ANKAR: variants seen among roughly 807,000 people sequenced by gnomAD.
ANKAR encodes the protein ankyrin and armadillo repeat containing, also known as ankyrin and armadillo repeat-containing protein.
In ANKAR, 136 loss-of-function variants were observed where a neutral mutation model predicts 146.2. The observed-to-expected ratio is 0.93, with a 90% CI of 0.81 to 1.07. The LOEUF is 1.07. ANKAR is among the 50% of genes least tolerant of loss of function. ANKAR has a pLI of 0.00. For synonymous variants in ANKAR, 500 were observed against 575.8 expected, an observed-to-expected ratio of 0.87 and a Z score of 1.88; for missense variants, 1,567 against 1,679.9, an observed-to-expected ratio of 0.93 and a Z score of 1.18.
chr2:189,691,787 G>C (rs1365400989), intron 3 of ANKAR, among the ~76,000 whole-genome samples: 2 of 151,484 alleles, frequency 1.3e-5, no homozygotes, highest in Non-Finnish European at 2.9e-5. Flanking sequence ...ATTTGAGACA[G>C]GGTGTCACTC....
chr2:189,761,554 A>T (rs2047068005), downstream of ANKAR: 1 of 1,611,278 alleles, frequency 6.2e-7, no homozygotes, highest in South Asian at 1.1e-5. Flanking sequence ...GTGTTCCAGG[A>T]TGAAAATTAA....
chr2:189,755,049 T>C, intron 18 of ANKAR: 1 of 1,173,768 alleles, frequency 8.5e-7, no homozygotes, highest in Non-Finnish European at 1.2e-6. Context: ...CATATGTGAA[T>C]TTTTTTCAGT....
intron 18 of ANKAR, among the ~76,000 whole-genome samples, chr2:189,757,205 C>T (rs2046208445): frequency 6.6e-6 from 1 of 152,144 alleles, no homozygotes; most frequent in African/African-American, 2.4e-5. Flanking sequence ...AGGGATTGAA[C>T]TCAGTCAGTG....
At position 189,753,290 on chromosome 2, in the gene ANKAR, TTAC is replaced by T. The variant is rs545418735; in HGVS notation, c.*585-7804_*585-7802del. 3.9e-3 allele frequency: 692 copies of T among 177,970 alleles called. 3 individuals are homozygous for T. Among genetic ancestry groups the T allele is most frequent in the African/African-American group, 0.015 (655 of 42,494 alleles). The allele number at this position is 177,970 out of a possible 1,614,324, so 11.0% of individuals were successfully genotyped here. On this transcript the variant is annotated intron_variant and NMD_transcript_variant, in intron 18 of 18. Coordinates refer to the ANKAR transcript ENST00000441800. ...TGAAATTTTTATTATTTTGTGCATT[TTAC>T]TACATAACTCTGAAAAAATTATTCT...
chr2:189,745,319 T>C (rs990866914), intron 22 of ANKAR, among the ~76,000 whole-genome samples: 7 of 152,176 alleles, frequency 4.6e-5, no homozygotes, highest in African/African-American at 1.7e-4. Context: ...GCCTTCCCTA[T>C]TATATCACTT....
chr2:189,738,714 C>A (rs755265399), intron 19 of ANKAR, 32 bp downstream of exon 19: 1 of 1,351,206 alleles, frequency 7.4e-7, no homozygotes, highest in South Asian at 1.3e-5. Flanking sequence ...ATTTTAGCCA[C>A]ATAAAACTAT....
intron 18 of ANKAR, among the ~76,000 whole-genome samples, chr2:189,758,812 T>G (rs900119923): frequency 1.6e-4 from 25 of 152,222 alleles, no homozygotes; most frequent in Non-Finnish European, 5.9e-5. Context: ...ATGTATAAAT[T>G]GTGAAAGTAT....
intron 12 of ANKAR, among the ~76,000 whole-genome samples, chr2:189,722,079 TCAC>T (rs1457096972): frequency 2.8e-4 from 43 of 152,272 alleles, no homozygotes; most frequent in African/African-American, 9.6e-4. Flanking sequence ...GCGTGGTGGC[TCAC>T]ACCTATAATC....
intron 18 of ANKAR, chr2:189,753,770 G>T: frequency 2.3e-6 from 2 of 854,228 alleles, no homozygotes; most frequent in Non-Finnish European, 3.5e-6. Context: ...ATGGCTGTTA[G>T]TCTTTCCTAT....
chr2:189,727,745 T>C, intron 12 of ANKAR, 111 bp from the exon 13 acceptor site: 1 of 1,340,630 alleles, frequency 7.5e-7, no homozygotes, highest in Non-Finnish European at 1.0e-6. Flanking sequence ...TTATTTTCTC[T>C]AAGCTTTTTA....
intron 18 of ANKAR, among the ~76,000 whole-genome samples, chr2:189,753,424 G>A (rs2045595055): frequency 6.6e-6 from 1 of 152,002 alleles, no homozygotes; most frequent in South Asian, 2.1e-4. Flanking sequence ...AGTTAAACAG[G>A]ATGTTTGTCA....
chr2:189,756,396 G>A (rs2046100152), intron 18 of ANKAR, among the ~76,000 whole-genome samples: 1 of 152,034 alleles, frequency 6.6e-6, no homozygotes, highest in East Asian at 1.9e-4. Context: ...TCTGCAAAAC[G>A]CACTGCTAGT....
In ANKAR at chr2:189,706,920, A is replaced by G. The variant is rs939949941; in HGVS notation, c.1911-18A>G. The G allele has an allele frequency of 1.9e-6, 3 of 1,584,642 alleles. No individual in the cohort carries two copies. In the African/African-American group the frequency reaches 4.1e-5, roughly 21 times the overall value. On this transcript the variant is annotated intron_variant, in intron 8 of 22. Coordinates refer to ENST00000684021, the MANE Select transcript of ANKAR (RefSeq NM_001378068.1). ...GACACTCTATGCGTGTTTAATTGTT[A>G]TGTTTCTTAATTTTTAGGAATCAGT... is the stretch of plus-strand genomic sequence containing the variant.
chr2:189,759,705 G>C (rs1284329568), intron 18 of ANKAR, among the ~76,000 whole-genome samples: 1 of 152,000 alleles, frequency 6.6e-6, no homozygotes, highest in Non-Finnish European at 1.5e-5. Context: ...GTTGTAAATT[G>C]ATAGCTTAAA....
At chr2:189,758,629 A>G (rs2046460070) in intron 18 of ANKAR, among the ~76,000 whole-genome samples, 2 of 152,224 alleles carry the variant, frequency 1.3e-5, no homozygotes, top group Admixed American at 1.3e-4. Context: ...AACACAGGTT[A>G]TAATATTCTT....
In ANKAR at chr2:189,732,477, T is replaced by C. The variant is rs552248606; in HGVS notation, c.3301-630T>C. Among the ~76,000 whole-genome samples, 6 of 152,122 alleles carry C rather than the reference T, an allele frequency of 3.9e-5. No individual in the cohort carries two copies. In the South Asian group the frequency reaches 1.2e-3, roughly 32 times the overall value. ...GAGTTCGAGGCCAACCTGGCCAACA[T>C]GGTGAAGCCCTGTCTCTGCTAAAGA... On this transcript the variant is annotated intron_variant, in intron 16 of 22. Transcript: ENST00000684021.
intron 2 of ANKAR, among the ~76,000 whole-genome samples, chr2:189,677,815 C>T (rs527696192): frequency 2.4e-4 from 37 of 152,098 alleles, no homozygotes; most frequent in Admixed American, 1.8e-3. Context: ...CTGGCCACCA[C>T]GTATTCTTTA....
intron 11 of ANKAR, 122 bp downstream of exon 11, chr2:189,719,935 A>C: frequency 8.8e-7 from 1 of 1,134,174 alleles, no homozygotes; most frequent in Non-Finnish European, 1.2e-6. Flanking sequence ...TACAGCAGGG[A>C]AAAGGGAGAG....
chr2:189,713,779 A>C (rs1041009822), intron 10 of ANKAR, among the ~76,000 whole-genome samples: 2 of 152,236 alleles, frequency 1.3e-5, no homozygotes, highest in Non-Finnish European at 2.9e-5. Flanking sequence ...CTTTAAATGT[A>C]AATGGGCTAA....
Sources: allele counts gnomAD v4.1 joint callset (sites outside exome capture counted in the v4.1 genomes callset), GRCh38; gene constraint gnomAD v4.1.1; transcripts MANE v1.5; gene names NCBI Gene and HGNC (gene_info 2026-07-23, HGNC 2026-07-21).